Variants in COL18A1 observed in about 807,000 individuals in gnomAD.
COL18A1 encodes the protein collagen type XVIII alpha 1 chain.
Under a neutral mutation model 168.0 loss-of-function variants are expected in COL18A1, and 133 were observed. The observed-to-expected ratio is 0.79, with a 90% CI of 0.69 to 0.91. COL18A1 has a LOEUF of 0.91. Among genes scored for constraint, COL18A1 ranks in the 40% least tolerant of loss-of-function variants. The probability of loss-of-function intolerance (pLI) is 0.00; values close to 1 mark genes in which losing one functional copy is unlikely to be tolerated. For synonymous variants in COL18A1, 949 were observed against 809.0 expected (o/e 1.17, Z -2.94); for missense variants, 2,126 against 1,925.4 (o/e 1.10, Z -1.95).
chr21:45,480,932 G>C lies in COL18A1; in HGVS notation c.1611+74G>C, dbSNP rs937796815. 11 of 1,531,092 alleles carry C rather than the reference G, an allele frequency of 7.2e-6. No homozygotes were observed. In the African/African-American group the frequency reaches 1.4e-4, roughly 19 times the overall value. The allele number at this position is 1,531,092 out of a possible 1,614,324, so 94.8% of individuals were successfully genotyped here. A position where few individuals can be genotyped will look rare whatever the true frequency, so the allele number is the denominator to read the frequency against. On this transcript the variant is annotated intron_variant, in intron 13 of 41. Coordinates refer to ENST00000651438, the MANE Select transcript of COL18A1 (RefSeq NM_001379500.1). ...TGAGGGGTGAACACCCCACATGGGAGCCCCTGCCCCGCCTCAGGCCTCCCC... is the reference window on the plus strand; with the variant it reads ...TGAGGGGTGAACACCCCACATGGGACCCCCTGCCCCGCCTCAGGCCTCCCC...
In COL18A1 at chr21:45,490,347, G is replaced by A. The variant is rs1158178913; in HGVS notation, c.2031+1G>A. 3.8e-6 allele frequency: 6 copies of A among 1,574,666 alleles called. No homozygotes were observed. The highest frequency in any genetic ancestry group is 4.3e-6 in the Non-Finnish European group (5 of 1,160,540). On this transcript the variant is annotated splice_donor_variant, in intron 20 of 41. Coordinates refer to ENST00000651438, the MANE Select transcript of COL18A1 (RefSeq NM_001379500.1). LOFTEE classifies it high-confidence loss of function. ...CAGAGAGGGCATTGCTGGGCCCCAGGTGAGTTGCCTTGGTGGGCCCAGGGT... is the reference window on the plus strand; with the variant it reads ...CAGAGAGGGCATTGCTGGGCCCCAGATGAGTTGCCTTGGTGGGCCCAGGGT...
intron 13 of COL18A1, among the ~76,000 whole-genome samples, chr21:45,481,128 A>G (rs1264810278): frequency 6.6e-6 from 1 of 152,252 alleles, no homozygotes; most frequent in East Asian, 1.9e-4. Flanking sequence ...CTGTGGGTCC[A>G]CGGACTGCAC....
Position 45,493,135 on chromosome 21 carries a change from G to A in COL18A1, c.2215-28G>A, listed in dbSNP as rs115033623. ...GGGATGGGGGAGATGCCAGCCGCTCGGGCCTCACGGCCTGGCCTCCATTCC... is the reference window on the plus strand; with the variant it reads ...GGGATGGGGGAGATGCCAGCCGCTCAGGCCTCACGGCCTGGCCTCCATTCC... On this transcript the variant is annotated intron_variant, in intron 24 of 41. Coordinates refer to ENST00000651438, the MANE Select transcript of COL18A1 (RefSeq NM_001379500.1). 6.1e-4 allele frequency: 939 copies of A among 1,549,414 alleles called. 7 individuals are homozygous for A. The African/African-American group carries it at 0.011, about 18-fold the overall frequency.
At chr21:45,483,581 C>T (rs1171753206) in intron 15 of COL18A1, among the ~76,000 whole-genome samples, 3 of 152,178 alleles carry the variant, frequency 2.0e-5, no homozygotes, top group African/African-American at 7.2e-5. Flanking sequence ...GCATCTGTGC[C>T]GACCCCACCA....
intron 38 of COL18A1, 45 bp downstream of exon 38, chr21:45,507,638 T>C (rs772844711): frequency 4.5e-6 from 7 of 1,571,688 alleles, no homozygotes; most frequent in Non-Finnish European, 5.2e-6. Flanking sequence ...GGTCAGGACA[T>C]GAGGGGGTAT....
chr21:45,466,699 C>T (rs541484194), intron 2 of COL18A1, among the ~76,000 whole-genome samples: 1 of 152,280 alleles, frequency 6.6e-6, no homozygotes, highest in South Asian at 2.1e-4. Context: ...TTGGAAAGGG[C>T]GTTGCTGTCA....
Position 45,468,775 on chromosome 21 carries a change from G to A in COL18A1, c.640G>A (p.Asp214Asn). Residue 214 changes from aspartate to asparagine, a missense_variant, in exon 3 of 42, where the codon GAC becomes AAC. By Grantham distance (23) the Asp-to-Asn change is conservative. Transcript: ENST00000651438. ...FVAQAGGADP[D>N]KFQGVIAELK... ...GGCTCAGGCGGGGGGAGCGGACCCT[G>A]ACAAGTTCCAGGTAACCCCCACTGT... 1.3e-6 allele frequency: 2 copies of A among 1,574,284 alleles called. No individual in the cohort carries two copies. Among genetic ancestry groups the A allele is most frequent in the African/African-American group, 2.7e-5 (2 of 74,462 alleles).
intron 20 of COL18A1, among the ~76,000 whole-genome samples, chr21:45,490,584 G>T (rs948903714): frequency 7.1e-6 from 1 of 140,822 alleles, no homozygotes; most frequent in Admixed American, 7.0e-5. Flanking sequence ...AGGTCCCTGG[G>T]CCTCCGTGTG....
chr21:45,462,993 C>T (rs2035093635), intron 2 of COL18A1, among the ~76,000 whole-genome samples: 1 of 152,180 alleles, frequency 6.6e-6, no homozygotes, highest in Non-Finnish European at 1.5e-5. Flanking sequence ...CTGTCCCTTT[C>T]CCTGGGTGTG....
At position 45,445,005 on chromosome 21, in the gene COL18A1, C is replaced by G. The variant is rs1004302934; in HGVS notation, c.107-23237C>G. On this transcript the variant is annotated intron_variant, in intron 2 of 41. Coordinates refer to ENST00000651438, the MANE Select transcript of COL18A1 (RefSeq NM_001379500.1). The stretch of plus-strand genomic sequence containing the variant: ...ATTGAGATGTAATTCACATTCCGTG[C>G]AATTCACTCGAAGTGTACAATCCAG... 5.3e-5 allele frequency among the ~76,000 whole-genome samples: 8 copies of G among 152,174 alleles called. No homozygotes were observed. The South Asian group carries it at 6.2e-4, about 12-fold the overall frequency.
chr21:45,504,825 G>A lies in COL18A1; in HGVS notation c.2868+269G>A, dbSNP rs535978621. Among the ~76,000 whole-genome samples the A allele has an allele frequency of 3.9e-5, 6 of 152,216 alleles. 1 individual carries two copies. The highest frequency in any genetic ancestry group is 4.1e-4 in the South Asian group (2 of 4,828). On this transcript the variant is annotated intron_variant, in intron 34 of 41. Coordinates refer to ENST00000651438, the MANE Select transcript of COL18A1 (RefSeq NM_001379500.1). ...GTGCATCCACCTCTGCTCCTGGGCC[G>A]GGTCAGGTCAGATCAGGGTTTAGGC... is the stretch of plus-strand genomic sequence containing the variant.
chr21:45,460,548 C>T (rs573929491), intron 2 of COL18A1, among the ~76,000 whole-genome samples: 5 of 152,320 alleles, frequency 3.3e-5, no homozygotes, highest in African/African-American at 9.6e-5. Context: ...GCTCCTTCAT[C>T]GCTCCTCCCT....
At chr21:45,481,931 A>C in intron 13 of COL18A1, 32 bp from the exon 14 acceptor site, 1 of 1,546,432 alleles carries the variant, frequency 6.5e-7, no homozygotes, top group Non-Finnish European at 8.9e-7. Flanking sequence ...GCCGAATGCC[A>C]TCAAGACCCA....
At chr21:45,482,346 G>C (rs572536078) in intron 14 of COL18A1, 2 of 684,048 alleles carry the variant, frequency 2.9e-6, no homozygotes, top group African/African-American at 3.5e-5. Context: ...CTGACGCAAG[G>C]AGCCGGGGCC....
At position 45,509,417 on chromosome 21, in the gene COL18A1, C is replaced by T. The variant is rs187670025; in HGVS notation, c.3311C>T (p.Pro1104Leu). The change falls in exon 39 of 42, where the codon CCG becomes CTG. Residue 1104 changes from proline (P) to leucine (L), a missense_variant. Pro to Leu is a moderately conservative substitution (Grantham distance 98). Coordinates refer to ENST00000651438, the MANE Select transcript of COL18A1 (RefSeq NM_001379500.1). ...CAGCTGCACGACAGCAACCCCTACC[C>T]GCGGCGGGAGCACCCCCACCCCACC... is the stretch of plus-strand genomic sequence containing the variant. ...VVQLHDSNPY[P>L]RREHPHPTAR... 64 of 1,539,194 alleles carry T rather than the reference C, an allele frequency of 4.2e-5. 2 individuals carry two copies. In the Middle Eastern group the frequency reaches 1.2e-3, roughly 28 times the overall value.
intron 13 of COL18A1, among the ~76,000 whole-genome samples, chr21:45,481,465 G>A (rs1401858093): frequency 1.3e-5 from 2 of 152,186 alleles, no homozygotes; most frequent in East Asian, 3.9e-4. Context: ...ATGACGTGCA[G>A]GGCAGGGAGT....
intron 26 of COL18A1, chr21:45,494,234 C>CGT: frequency 2.0e-6 from 1 of 489,486 alleles, no homozygotes; most frequent in Non-Finnish European, 3.7e-6. Context: ...CAGGACACTG[C>CGT]GTGGCACATG....
At chr21:45,510,946 C>CCCACACACACACAG (rs149520091) in intron 40 of COL18A1, among the ~76,000 whole-genome samples, 165 bp from the exon 41 acceptor site, 1 of 57,382 alleles carries the variant, frequency 1.7e-5, no homozygotes, top group Non-Finnish European at 3.1e-5. Flanking sequence ...AAAACACACA[C>CCCACACACACACAG]CCACAACACC....
Position 45,498,515 on chromosome 21 carries a change from G to C in COL18A1, c.2683+854G>C. The C allele has an allele frequency of 1.4e-6, 1 of 716,376 alleles. No individual in the cohort carries two copies. The highest frequency in any genetic ancestry group is 2.6e-6 in the Non-Finnish European group (1 of 385,038). The allele number at this position is 716,376 out of a possible 1,614,324, so 44.4% of individuals were successfully genotyped here. The stretch of plus-strand genomic sequence containing the variant: ...CCTCTCGCTGCCAGGGTCCTCTGCA[G>C]AGGAGGCCGCCATACCTGCTCTTGC... On this transcript the variant is annotated intron_variant, in intron 32 of 41. Transcript: ENST00000651438. This position sits in a 1 kb window ranked among gnomAD's most constrained non-coding sequence, Gnocchi z 4.5.
Sources: gnomAD v4.1 joint callset for allele counts (sites outside exome capture counted in the v4.1 genomes callset) on GRCh38, gnomAD v4.1.1 for gene constraint, Gnocchi (gnomAD v3.1) non-coding constraint, MANE v1.5 for transcripts, NCBI Gene and HGNC (gene_info 2026-07-23, HGNC 2026-07-21) for gene names.